The following NFATC1 variants were observed in gnomAD, a reference collection of about 807,000 sequenced individuals.
NFATC1 encodes the protein nuclear factor of activated T-cells, cytoplasmic 1.
NFATC1 carries 22 observed loss-of-function variants against 76.0 expected under a neutral mutation model. That is an observed-to-expected ratio of 0.29 (90% CI 0.21 to 0.41). The LOEUF (loss-of-function observed/expected upper bound fraction) is 0.41, where lower values mean the gene tolerates loss of function less well. Ranked by LOEUF, NFATC1 falls within the 10% of genes least tolerant of loss-of-function variation. The probability of loss-of-function intolerance (pLI) is 1.00; values close to 1 mark genes in which losing one functional copy is unlikely to be tolerated. For missense variants in NFATC1, 1,357 were observed against 1,337.7 expected (o/e 1.01, Z -0.23); for synonymous variants, 704 against 613.1 (o/e 1.15, Z -2.19).
chr18:79,499,616 C>T (rs2089971611), intron 9 of NFATC1, among the ~76,000 whole-genome samples: 1 of 152,106 alleles, frequency 6.6e-6, no homozygotes, highest in African/African-American at 2.4e-5. Flanking sequence ...AAACAGGGTA[C>T]AACCATATGC....
chr18:79,486,754 G>A lies in NFATC1; in HGVS notation c.2599G>A (p.Ala867Thr), dbSNP rs1212136752. ...EPTCLQPCSP[A>T]CPPATGRPQH... ...GACCTGCCTGCAGCCCTGCAGCCCA[G>A]CGTGCCCGCCCGCCACGGGCCGCCC... The change falls in exon 9 of 10, where the codon GCG (alanine) becomes ACG (threonine). Residue 867 changes from alanine (A) to threonine (T), a missense_variant. Ala to Thr is a moderately conservative substitution (Grantham distance 58). Transcript: ENST00000427363. The A allele has an allele frequency of 1.2e-6, 2 of 1,603,588 alleles. No individual in the cohort carries two copies. The highest frequency in any genetic ancestry group is 1.7e-5 in the Admixed American group (1 of 59,534).
chr18:79,445,334 C>T (rs185622580), intron 3 of NFATC1, among the ~76,000 whole-genome samples: 44 of 152,298 alleles, frequency 2.9e-4, no homozygotes, highest in African/African-American at 8.9e-4. Flanking sequence ...GCCCCTGTAC[C>T]GAGGGTGGAG....
At chr18:79,412,584 C>T (rs1282656546) in intron 2 of NFATC1, among the ~76,000 whole-genome samples, 7 of 152,162 alleles carry the variant, frequency 4.6e-5, no homozygotes, top group African/African-American at 1.2e-4. Context: ...CTGGGAGGAC[C>T]CGTCTCTGCT....
intron 6 of NFATC1, among the ~76,000 whole-genome samples, chr18:79,455,295 G>T (rs1436471333): frequency 1.3e-5 from 2 of 152,246 alleles, no homozygotes; most frequent in Non-Finnish European, 2.9e-5. Flanking sequence ...CAGCGGGCAG[G>T]GCTCAGCGGG....
rs571610821 is a variant in NFATC1, at chr18:79,521,496, ATGTGTGTGTC to A, written c.2783-6022_2783-6013del. Among the ~76,000 whole-genome samples the A allele has an allele frequency of 8.3e-3, 443 of 53,442 alleles. 17 individuals carry two copies. Among genetic ancestry groups the A allele is most frequent in the Non-Finnish European group, 0.012 (348 of 29,916 alleles). 35.1% of individuals were successfully genotyped at this position (53,442 alleles called of 152,430 possible). On this transcript the variant is annotated intron_variant, in intron 9 of 9. Transcript: ENST00000427363. ...GTGTGTGTGTGGGGGGCATCCACTG[ATGTGTGTGTC>A]TGTGTGTGTGTGGGGAGCATCCACT...
At position 79,448,918 on chromosome 18, in the gene NFATC1, A is replaced by G. The variant is rs2144766363; in HGVS notation, c.1523A>G (p.Glu508Gly). 1 of 1,613,778 alleles carries G rather than the reference A, an allele frequency of 6.2e-7. No individual in the cohort carries two copies. Among genetic ancestry groups the G allele is most frequent in the East Asian group, 2.2e-5 (1 of 44,888 alleles). The change falls in exon 4 of 10, where the codon GAG becomes GGG. Residue 508 changes from glutamate (E) to glycine (G), a missense_variant. This residue lies in a region of NFATC1 where 242 missense variants were observed against 329.2 expected (regional missense o/e 0.74). Transcript: ENST00000427363. ...TGKTVSTTSH[E>G]AILSNTKVLE... ...AAGACCGTGTCCACCACCAGCCACG[A>G]GGCCATCCTCTCCAACACCAAAGTC...
In NFATC1 at chr18:79,473,468, A is replaced by G. The variant is rs888328541; in HGVS notation, c.2092+5886A>G. Among the ~76,000 whole-genome samples the G allele has an allele frequency of 2.0e-5, 3 of 149,208 alleles. No individual in the cohort carries two copies. In the South Asian group the frequency reaches 6.4e-4, roughly 32 times the overall value. Reference sequence around the variant, plus strand: ...CGTGTTCTCAGCTCATTGTCGACGTAAACCCCAGGGAAGCGTGTTCTCACG... The same window carrying G: ...CGTGTTCTCAGCTCATTGTCGACGTGAACCCCAGGGAAGCGTGTTCTCACG... On this transcript the variant is annotated intron_variant, in intron 8 of 9. Coordinates refer to ENST00000427363, the MANE Select transcript of NFATC1 (RefSeq NM_001278669.2).
chr18:79,416,777 G>A (rs572361680), intron 2 of NFATC1, among the ~76,000 whole-genome samples: 30 of 152,344 alleles, frequency 2.0e-4, no homozygotes, highest in Admixed American at 8.5e-4. Flanking sequence ...CAGCCTCGAA[G>A]CCACGTCGCC....
chr18:79,426,578 G>A (rs369219655), intron 2 of NFATC1, among the ~76,000 whole-genome samples: 13 of 114,744 alleles, frequency 1.1e-4, no homozygotes, highest in African/African-American at 4.5e-4. Flanking sequence ...GCCCCCTGGT[G>A]TCCACCTCCA....
intron 6 of NFATC1, among the ~76,000 whole-genome samples, chr18:79,456,949 G>A (rs1271158824): frequency 6.6e-6 from 1 of 152,232 alleles, no homozygotes; most frequent in East Asian, 1.9e-4. Context: ...TTGGATGCTG[G>A]CCCCGAAGGC....
chr18:79,409,393 C>T (rs2085575130), intron 1 of NFATC1, among the ~76,000 whole-genome samples: 1 of 151,836 alleles, frequency 6.6e-6, no homozygotes, highest in South Asian at 2.1e-4. Context: ...ATCCATTATT[C>T]CTCCATTCCT....
intron 8 of NFATC1, chr18:79,470,975 A>T (rs1399180834): frequency 1.3e-5 from 2 of 152,194 alleles, no homozygotes; most frequent in African/African-American, 4.8e-5. Context: ...CCATGAACGG[A>T]GTGGGCATAG....
intron 9 of NFATC1, chr18:79,527,029 C>G (rs1409374180): frequency 6.4e-6 from 1 of 156,794 alleles, no homozygotes; most frequent in African/African-American, 2.4e-5. Flanking sequence ...CTAACAGTGC[C>G]GCTCGTTTCC....
At chr18:79,421,108 G>A (rs1397508616) in intron 2 of NFATC1, 1 of 152,278 alleles carries the variant, frequency 6.6e-6, no homozygotes, top group African/African-American at 2.4e-5. Flanking sequence ...CTGGAAACAT[G>A]GAGCCCACAC....
chr18:79,471,847 G>T (rs920392439), intron 8 of NFATC1, among the ~76,000 whole-genome samples: 1 of 152,218 alleles, frequency 6.6e-6, no homozygotes. Context: ...CGTGGGCCCC[G>T]AGCCCAGACA....
chr18:79,486,424 C>G lies in NFATC1; in HGVS notation c.2269C>G (p.Leu757Val), dbSNP rs916427840. The G allele has an allele frequency of 6.2e-6, 10 of 1,612,390 alleles. No homozygotes were observed. Among genetic ancestry groups the G allele is most frequent in the African/African-American group, 2.7e-5 (2 of 74,910 alleles). ...GFPPCPQRSTLMPAAPGVSPK... is the reference protein window; with the variant it reads ...GFPPCPQRSTVMPAAPGVSPK... The stretch of plus-strand genomic sequence containing the variant: ...CCCGCCCTGTCCGCAGAGAAGCACC[C>G]TGATGCCAGCGGCCCCTGGCGTGAG... The change falls in exon 9 of 10, where the codon CTG becomes GTG. Residue 757 changes from leucine to valine, a missense_variant. This residue lies in a region of NFATC1 where 424 missense variants were observed against 395.4 expected (regional missense o/e 1.07). Coordinates refer to ENST00000427363, the MANE Select transcript of NFATC1 (RefSeq NM_001278669.2).
rs780457550 is a variant in NFATC1 at position 79,516,557 on chromosome 18, G to A, written c.2783-10971G>A. 4.9e-4 allele frequency among the ~76,000 whole-genome samples: 75 copies of A among 152,252 alleles called. 1 individual carries two copies. Among genetic ancestry groups the A allele is most frequent in the African/African-American group, 1.6e-3 (66 of 41,548 alleles). On this transcript the variant is annotated intron_variant, in intron 9 of 9. Coordinates refer to ENST00000427363, the MANE Select transcript of NFATC1 (RefSeq NM_001278669.2). ...CCCGTTTCTCAGCCGAGCGCCGGGC[G>A]CCCAGCAGTGTCGGACAGTTTAGGG...
intron 8 of NFATC1, among the ~76,000 whole-genome samples, chr18:79,476,491 G>A (rs2089075770): frequency 6.6e-6 from 1 of 152,206 alleles, no homozygotes; most frequent in Admixed American, 6.5e-5. Flanking sequence ...GGAGCAGCAC[G>A]GGGCCACCAC....
In NFATC1 at chr18:79,448,864, C is replaced by T; in HGVS notation, c.1469C>T (p.Ala490Val). Residue 490 changes from alanine to valine, a missense_variant, in exon 4 of 10, where the codon GCC becomes GTC. Around this residue, in one of 3 missense-constraint regions of NFATC1, gnomAD observed 242 missense variants for 329.2 expected, o/e 0.74. Transcript: ENST00000427363. ...GACGACCGCCTGCTGCGCCCGCACG[C>T]CTTCTACCAGGTGCACCGCATCACA... ...TADDRLLRPH[A>V]FYQVHRITGK... 1 of 1,613,816 alleles carries T rather than the reference C, an allele frequency of 6.2e-7. No homozygotes were observed. The highest frequency in any genetic ancestry group is 8.5e-7 in the Non-Finnish European group (1 of 1,180,036).
Sources: allele counts gnomAD v4.1 joint callset (sites outside exome capture counted in the v4.1 genomes callset), GRCh38; gene constraint gnomAD v4.1.1; regional missense constraint gnomAD v4.1.1; transcripts MANE v1.5; gene names NCBI Gene and HGNC (gene_info 2026-07-23, HGNC 2026-07-21).